SELENOT: variants seen among roughly 807,000 people sequenced by gnomAD.
The protein encoded by SELENOT is thioredoxin reductase-like selenoprotein T.
A neutral mutation model predicts 24.3 loss-of-function variants in SELENOT; 9 were observed. The ratio of observed to expected loss-of-function variants is 0.37; its 90% confidence interval spans 0.22 to 0.65. The LOEUF (loss-of-function observed/expected upper bound fraction) is 0.65. Ranked by LOEUF, SELENOT falls within the 30% of genes least tolerant of loss-of-function variation. The pLI, the probability that SELENOT is intolerant of heterozygous loss-of-function variation, is 0.60. For synonymous variants in SELENOT, 81 were observed against 86.0 expected, an observed-to-expected ratio of 0.94 and a Z score of 0.32; for missense variants, 166 against 247.6, an observed-to-expected ratio of 0.67 and a Z score of 2.21.
At chr3:150,609,803 C>G (rs1008451564) in intron 1 of SELENOT, among the ~76,000 whole-genome samples, 2 of 152,158 alleles carry the variant, frequency 1.3e-5, no homozygotes, top group Admixed American at 6.5e-5. Flanking sequence ...AGGAATTTTC[C>G]TGAAGCAGAG....
intron 4 of SELENOT, among the ~76,000 whole-genome samples, chr3:150,626,389 T>C (rs1726445877): frequency 6.6e-6 from 1 of 152,170 alleles, no homozygotes; most frequent in Non-Finnish European, 1.5e-5. Context: ...AACACAACCA[T>C]GTCCATTTGC....
intron 1 of SELENOT, chr3:150,611,754 G>A (rs2108007206): frequency 4.3e-6 from 6 of 1,399,954 alleles, no homozygotes; most frequent in South Asian, 3.5e-5. Flanking sequence ...GCCCCCAGGG[G>A]CCCAGCCGCT....
chr3:150,623,715 A>G (rs1356260949), intron 3 of SELENOT, among the ~76,000 whole-genome samples: 1 of 152,034 alleles, frequency 6.6e-6, no homozygotes, highest in East Asian at 1.9e-4. Flanking sequence ...TTCCTTTTGT[A>G]GGGTCTTATT....
chr3:150,624,490 T>C (rs1258650171), intron 3 of SELENOT, among the ~76,000 whole-genome samples: 2 of 152,196 alleles, frequency 1.3e-5, no homozygotes, highest in Non-Finnish European at 2.9e-5. Flanking sequence ...TTATATGGAG[T>C]TACTAATTTT....
intron 1 of SELENOT, among the ~76,000 whole-genome samples, chr3:150,616,306 T>C (rs1261409987): frequency 7.2e-6 from 1 of 139,410 alleles, no homozygotes; most frequent in African/African-American, 2.7e-5. Context: ...ACTTCATGTC[T>C]AAAACACCAA....
intron 1 of SELENOT, among the ~76,000 whole-genome samples, chr3:150,621,674 G>A (rs1192481828): frequency 2.3e-5 from 3 of 131,664 alleles, no homozygotes; most frequent in Non-Finnish European, 4.7e-5. Context: ...GTTGCTTAGA[G>A]ACTTTAGAGA....
In SELENOT at chr3:150,627,289, T is replaced by G. The variant is rs140325701; in HGVS notation, c.*29+126T>G. ...TAAGATTAAACAGAGGGATGTATTC[T>G]TCATTAAAATGTTGAAGTGTATGAA... is the stretch of plus-strand genomic sequence containing the variant. On this transcript the variant is annotated intron_variant, in intron 5 of 5. Transcript: ENST00000471696. 5.5e-4 allele frequency: 406 copies of G among 735,184 alleles called. 2 individuals carry two copies. The East Asian group carries it at 7.8e-3, about 14-fold the overall frequency. The allele number at this position is 735,184 out of a possible 1,614,324, so 45.5% of individuals were successfully genotyped here. A position where few individuals can be genotyped will look rare whatever the true frequency, so the allele number is the denominator to read the frequency against.
intron 1 of SELENOT, among the ~76,000 whole-genome samples, chr3:150,609,013 A>G (rs1214669528): frequency 2.0e-5 from 3 of 152,188 alleles, no homozygotes; most frequent in Non-Finnish European, 4.4e-5. Context: ...TGTTCTGCCT[A>G]GGACTTCTAG....
rs10663147 is a variant in SELENOT, at chr3:150,605,037, CA to C, written c.137+1555del. ...GGGCAACAAGAGCGAAACTCCGTCT[CA>C]AAAAAAAAAAAAAAAACCTCCCTGT... On this transcript the variant is annotated intron_variant, in intron 1 of 5. Transcript: ENST00000471696. Among the ~76,000 whole-genome samples, 178 of 117,156 alleles carry C rather than the reference CA, an allele frequency of 1.5e-3. 1 individual carries two copies. Among genetic ancestry groups the C allele is most frequent in the Middle Eastern group, 8.5e-3 (2 of 234 alleles). The allele number at this position is 117,156 out of a possible 152,430, so 76.9% of individuals were successfully genotyped here.
At chr3:150,603,683 C>T (rs923625122) in intron 1 of SELENOT, 184 bp downstream of exon 1, 1 of 612,032 alleles carries the variant, frequency 1.6e-6, no homozygotes, top group South Asian at 2.2e-5. Context: ...CCCTCCTTTT[C>T]CAGGTATAAC....
At chr3:150,613,637 CTT>C (rs1367526944) in intron 1 of SELENOT, among the ~76,000 whole-genome samples, 2 of 124,712 alleles carry the variant, frequency 1.6e-5, no homozygotes, top group South Asian at 5.6e-4. Flanking sequence ...GGGACATTCT[CTT>C]CACTAAATTA....
At chr3:150,622,973 T>C in intron 2 of SELENOT, 70 bp from the exon 3 acceptor site, 1 of 1,358,648 alleles carries the variant, frequency 7.4e-7, no homozygotes. Context: ...TACATACACT[T>C]GAATTACTAA....
chr3:150,606,705 G>A (rs1263034105), intron 1 of SELENOT, among the ~76,000 whole-genome samples: 1 of 151,414 alleles, frequency 6.6e-6, no homozygotes, highest in Non-Finnish European at 1.5e-5. Flanking sequence ...AGATTCTCAT[G>A]CCTCAGCCTC....
intron 5 of SELENOT, 37 bp downstream of exon 5, chr3:150,627,200 T>A: frequency 6.8e-7 from 1 of 1,477,076 alleles, no homozygotes; most frequent in Non-Finnish European, 9.2e-7. Flanking sequence ...TATAGGTTTC[T>A]GTTGATTCTT....
chr3:150,613,497 G>A (rs182418122), intron 1 of SELENOT, among the ~76,000 whole-genome samples: 178 of 152,086 alleles, frequency 1.2e-3, no homozygotes, highest in Non-Finnish European at 1.5e-3. Flanking sequence ...ATGAGTGGAC[G>A]TAGTACAAAC....
chr3:150,613,331 C>T (rs1181838392), intron 1 of SELENOT, among the ~76,000 whole-genome samples: 1 of 152,194 alleles, frequency 6.6e-6, no homozygotes, highest in Non-Finnish European at 1.5e-5. Context: ...GGATTATTTT[C>T]ATCCTATGCT....
intron 1 of SELENOT, among the ~76,000 whole-genome samples, chr3:150,619,220 CAAA>C (rs761458301): frequency 8.7e-5 from 7 of 80,484 alleles, no homozygotes; most frequent in African/African-American, 4.8e-5. Context: ...GACTCCGTCT[CAAA>C]AAAAAAAAAA....
chr3:150,625,044 T>C (rs1312064670), intron 4 of SELENOT, 145 bp downstream of exon 4: 1 of 455,060 alleles, frequency 2.2e-6, no homozygotes, highest in East Asian at 3.7e-5. Context: ...ATTCAGGAGA[T>C]AGAAGAATTT....
At chr3:150,603,563 G>T in intron 1 of SELENOT, 64 bp downstream of exon 1, 2 of 1,488,592 alleles carry the variant, frequency 1.3e-6, no homozygotes, top group South Asian at 2.6e-5. Context: ...TTGGCTACGC[G>T]AGGCCCCGGC....
Sources: gnomAD v4.1 joint callset for allele counts (sites outside exome capture counted in the v4.1 genomes callset) on GRCh38, gnomAD v4.1.1 for gene constraint, MANE v1.5 for transcripts, NCBI Gene and HGNC (gene_info 2026-07-23, HGNC 2026-07-21) for gene names.